ZFHX3: variants seen among roughly 807,000 people sequenced by gnomAD.
ZFHX3 encodes zinc finger homeobox protein 3.
Under a neutral mutation model 279.1 loss-of-function variants are expected in ZFHX3, and 42 were observed. That is an observed-to-expected ratio of 0.15 (90% CI 0.12 to 0.19). ZFHX3 has a LOEUF of 0.19. Ranked by LOEUF, ZFHX3 falls within the 10% of genes least tolerant of loss-of-function variation. The pLI is 1.00. For synonymous variants in ZFHX3, 2,293 were observed against 1,957.8 expected, an observed-to-expected ratio of 1.17 and a Z score of -4.52; for missense variants, 4,981 against 4,754.0, an observed-to-expected ratio of 1.05 and a Z score of -1.40.
intron 2 of ZFHX3, among the ~76,000 whole-genome samples, chr16:73,545,256 G>T (rs908424856): frequency 6.6e-6 from 1 of 152,004 alleles, no homozygotes; most frequent in Non-Finnish European, 1.5e-5. Context: ...TTCAAATCAC[G>T]GGCTCTTTCT....
chr16:73,073,690 G>C (rs942754413), intron 8 of ZFHX3, among the ~76,000 whole-genome samples: 3 of 152,060 alleles, frequency 2.0e-5, no homozygotes, highest in African/African-American at 7.3e-5. Flanking sequence ...GTAAAGACAG[G>C]GTTTCACCAT....
intron 1 of ZFHX3, among the ~76,000 whole-genome samples, chr16:72,978,755 T>C (rs2144533534): frequency 6.6e-6 from 1 of 152,218 alleles, no homozygotes; most frequent in Non-Finnish European, 1.5e-5. Context: ...CCCCTTGGGA[T>C]CCCCTTCCAA....
chr16:73,432,597 T>C (rs1421673634), intron 3 of ZFHX3, among the ~76,000 whole-genome samples: 1 of 152,170 alleles, frequency 6.6e-6, no homozygotes, highest in Non-Finnish European at 1.5e-5. Context: ...ATGCAAGAGC[T>C]GTTGTTTGTC....
intron 3 of ZFHX3, among the ~76,000 whole-genome samples, chr16:72,893,872 G>A (rs116297650): frequency 0.063 from 9,508 of 151,988 alleles, 533 homozygotes; most frequent in African/African-American, 0.15. Context: ...AGAATAGGCC[G>A]GATGCAGTGG....
At chr16:73,765,898 G>A (rs6564532) in intron 1 of ZFHX3, among the ~76,000 whole-genome samples, 67,340 of 151,734 alleles carry the variant, frequency 0.44, 15,370 homozygotes, top group African/African-American at 0.55. Flanking sequence ...AGGCTTACGT[G>A]AGACTGGCTA....
At position 72,788,484 on chromosome 16, in the gene ZFHX3, G is replaced by A; in HGVS notation, c.9792C>T (p.Ala3264=). ...LPVPKKEKGE[A]PTATAATISA... ...AGATCGTGGCTGCAGTTGCCGTGGG[G>A]GCCTCTCCTTTCTCCTTCTTGGGGA... Residue 3264 remains alanine, a synonymous_variant, in exon 10 of 10, where the codon GCC becomes GCT. Coordinates refer to ENST00000268489, the MANE Select transcript of ZFHX3 (RefSeq NM_006885.4). 6.2e-7 allele frequency: 1 copy of A among 1,614,134 alleles called. No homozygotes were observed. The highest frequency in any genetic ancestry group is 8.5e-7 in the Non-Finnish European group (1 of 1,180,022).
At chr16:72,898,343 G>C (rs916832406) in intron 3 of ZFHX3, among the ~76,000 whole-genome samples, 2 of 152,142 alleles carry the variant, frequency 1.3e-5, no homozygotes, top group Admixed American at 1.3e-4. Context: ...CTGGTTTCTA[G>C]GCCAGGCTCC....
chr16:72,798,605 G>T lies in ZFHX3; in HGVS notation c.4077C>A (p.Gly1359=). The T allele has an allele frequency of 1.2e-6, 2 of 1,614,124 alleles. No homozygotes were observed. The highest frequency in any genetic ancestry group is 8.5e-7 in the Non-Finnish European group (1 of 1,180,032). Residue 1359 remains glycine (G), a synonymous_variant, in exon 9 of 10, where the codon GGC becomes GGA. Coordinates refer to ENST00000268489, the MANE Select transcript of ZFHX3 (RefSeq NM_006885.4). ...ADPGSVREDS[G]FICWKKGCNQ... is the part of the protein sequence containing the mutation. The stretch of plus-strand genomic sequence containing the variant: ...TGCACCCCTTCTTCCAGCAGATGAA[G>T]CCTGAGTCTTCTCTCACAGAGCCTG...
At chr16:73,651,561 G>T (rs1302530739) in intron 2 of ZFHX3, among the ~76,000 whole-genome samples, 1 of 151,640 alleles carries the variant, frequency 6.6e-6, no homozygotes, top group African/African-American at 2.4e-5. Context: ...GACAAGGCCG[G>T]GCACGGTGGC....
At chr16:73,123,521 C>T (rs1293111593) in intron 7 of ZFHX3, 1 of 151,106 alleles carries the variant, frequency 6.6e-6, no homozygotes, top group East Asian at 1.9e-4. Flanking sequence ...AGACAGTCCT[C>T]ACCTGACTGT....
At chr16:73,174,010 C>A (rs1457385667) in intron 5 of ZFHX3, among the ~76,000 whole-genome samples, 1 of 152,146 alleles carries the variant, frequency 6.6e-6, no homozygotes, top group Non-Finnish European at 1.5e-5. Context: ...ATAAACTTTG[C>A]AGTTAGTTTC....
chr16:73,701,942 G>A (rs527738028), intron 1 of ZFHX3, among the ~76,000 whole-genome samples: 2 of 151,942 alleles, frequency 1.3e-5, no homozygotes, highest in African/African-American at 4.8e-5. Context: ...AAAAAGCAAG[G>A]AGAAGAGAAG....
chr16:73,145,676 G>A (rs942138086), intron 5 of ZFHX3, among the ~76,000 whole-genome samples: 1 of 152,232 alleles, frequency 6.6e-6, no homozygotes, highest in African/African-American at 2.4e-5. Context: ...TCATGGAGGT[G>A]GATTGCGGTG....
rs9925179 is a variant in ZFHX3, at chr16:73,473,356, A to C, written c.-1546-17098T>G. On this transcript the variant is annotated intron_variant, in intron 2 of 17. Transcript: ENST00000641206. Reference sequence around the variant, plus strand: ...TCTCAAAGCAAAAAAAAAAAAAAAAAACAAAAAAAAAAAAAACAAAATAAT... The same window carrying C: ...TCTCAAAGCAAAAAAAAAAAAAAAACACAAAAAAAAAAAAAACAAAATAAT... Among the ~76,000 whole-genome samples, 134 of 50,998 alleles carry C rather than the reference A, an allele frequency of 2.6e-3. 2 individuals carry two copies. Among genetic ancestry groups the C allele is most frequent in the East Asian group, 0.012 (5 of 408 alleles). The allele number at this position is 50,998 out of a possible 152,430, so 33.5% of individuals were successfully genotyped here.
rs560083777 is a variant in ZFHX3, at chr16:73,720,916, T to C, written c.-1607-40676A>G. On this transcript the variant is annotated intron_variant, in intron 1 of 17. Transcript: ENST00000641206. ...CCTTCCAAGTTAATATCCCTAACTT[T>C]TTCATCAGAAAAATAAGGCACTGGA... Among the ~76,000 whole-genome samples the C allele has an allele frequency of 9.2e-5, 14 of 152,344 alleles. No homozygotes were observed. In the South Asian group the frequency reaches 2.5e-3, roughly 27 times the overall value.
At chr16:73,528,401 C>A (rs2019732089) in intron 2 of ZFHX3, among the ~76,000 whole-genome samples, 1 of 152,242 alleles carries the variant, frequency 6.6e-6, no homozygotes, top group South Asian at 2.1e-4. Flanking sequence ...AACCATCCAT[C>A]CTTCTATCTA....
intron 3 of ZFHX3, among the ~76,000 whole-genome samples, chr16:73,351,291 G>A (rs1213798851): frequency 1.3e-5 from 2 of 152,210 alleles, no homozygotes; most frequent in African/African-American, 2.4e-5. Flanking sequence ...TCACCGCACT[G>A]GGCCTGCTGC....
chr16:73,766,703 T>C (rs904837865), intron 1 of ZFHX3, among the ~76,000 whole-genome samples: 4 of 152,134 alleles, frequency 2.6e-5, no homozygotes, highest in Non-Finnish European at 5.9e-5. Flanking sequence ...TCCAGCTGTT[T>C]AAAGCACCTA....
chr16:73,027,439 G>T (rs534373688), intron 1 of ZFHX3, among the ~76,000 whole-genome samples: 4 of 152,326 alleles, frequency 2.6e-5, no homozygotes, highest in African/African-American at 9.6e-5. Context: ...TGCAGGCGGG[G>T]TGTTCAAACT....
Sources: allele counts gnomAD v4.1 joint callset (sites outside exome capture counted in the v4.1 genomes callset), GRCh38; gene constraint gnomAD v4.1.1; transcripts MANE v1.5; gene names NCBI Gene and HGNC (gene_info 2026-07-23, HGNC 2026-07-21).